The following ABCA12 variants were observed in gnomAD, a reference collection of about 807,000 sequenced individuals.
ABCA12 encodes the protein ATP binding cassette subfamily A member 12, also known as glucosylceramide transporter ABCA12.
Under a neutral mutation model 293.5 loss-of-function variants are expected in ABCA12, and 156 were observed. The ratio of observed to expected loss-of-function variants is 0.53; its 90% CI spans 0.47 to 0.61. The LOEUF (loss-of-function observed/expected upper bound fraction) is 0.61. Among genes scored for constraint, ABCA12 ranks in the 20% least tolerant of loss-of-function variants. The pLI is 0.00. For missense variants in ABCA12, 2,797 were observed against 3,090.2 expected, an observed-to-expected ratio of 0.91 and a Z score of 2.25; for synonymous variants, 1,063 against 1,108.0, an observed-to-expected ratio of 0.96 and a Z score of 0.81.
chr2:214,937,862 A>G (rs1469206644), intron 50 of ABCA12, among the ~76,000 whole-genome samples: 2 of 151,958 alleles, frequency 1.3e-5, no homozygotes, highest in Non-Finnish European at 2.9e-5. Flanking sequence ...AGTTGAAAAG[A>G]AAACATAACA....
At chr2:215,057,432 C>G (rs1235327444) in intron 3 of ABCA12, among the ~76,000 whole-genome samples, 1 of 151,920 alleles carries the variant, frequency 6.6e-6, no homozygotes, top group Non-Finnish European at 1.5e-5. Flanking sequence ...AGATGTAATC[C>G]CTTTAGAATC....
In ABCA12 at chr2:214,992,522, C is replaced by CCT. The variant is rs1348573399; in HGVS notation, c.3295-1492_3295-1491insAG. On this transcript the variant is annotated intron_variant, in intron 23 of 52. Transcript: ENST00000272895. Reference sequence around the variant, plus strand: ...AGCCTATCAACCTAGTATCCCCCCCCTTTTTTTTTTTTTTTTTTTTAGGAA... The same window carrying CCT: ...AGCCTATCAACCTAGTATCCCCCCCCCTTTTTTTTTTTTTTTTTTTTTAGGAA... 2.7e-4 allele frequency among the ~76,000 whole-genome samples: 13 copies of CCT among 47,728 alleles called. 1 individual carries two copies. Among genetic ancestry groups the CCT allele is most frequent in the African/African-American group, 3.8e-4 (4 of 10,634 alleles). 31.3% of individuals were successfully genotyped at this position (47,728 alleles called of 152,430 possible). A position where few individuals can be genotyped will look rare whatever the true frequency, so the allele number is the denominator to read the frequency against.
At chr2:215,037,095 T>A (rs576357428) in intron 7 of ABCA12, 30 bp from the exon 8 acceptor site, 1 of 1,584,420 alleles carries the variant, frequency 6.3e-7, no homozygotes, top group East Asian at 2.2e-5. Context: ...TTAAACCAGA[T>A]TCTGTTTCAA....
chr2:215,004,008 C>A (rs1337051062), intron 20 of ABCA12, among the ~76,000 whole-genome samples: 1 of 152,040 alleles, frequency 6.6e-6, no homozygotes, highest in African/African-American at 2.4e-5. Context: ...CACTGGGCAT[C>A]CAAATAATCA....
chr2:215,118,351 G>A (rs1034952436), intron 1 of ABCA12, among the ~76,000 whole-genome samples: 6 of 152,030 alleles, frequency 3.9e-5, no homozygotes, highest in East Asian at 1.9e-4. Flanking sequence ...GCAGCGAGCC[G>A]AGATCTTGCC....
intron 14 of ABCA12, among the ~76,000 whole-genome samples, chr2:215,017,174 A>G (rs539466550): frequency 3.9e-5 from 6 of 152,226 alleles, no homozygotes; most frequent in Non-Finnish European, 7.3e-5. Flanking sequence ...CTTTTTAGAA[A>G]CTATCCAATA....
intron 23 of ABCA12, among the ~76,000 whole-genome samples, chr2:214,992,389 G>GC (rs1194557404): frequency 7.5e-6 from 1 of 132,818 alleles, no homozygotes; most frequent in Non-Finnish European, 1.6e-5. Context: ...CTTGCAGTGA[G>GC]CCGAGATCAC....
At chr2:214,937,853 G>C (rs553499999) in intron 50 of ABCA12, among the ~76,000 whole-genome samples, 136 of 152,042 alleles carry the variant, frequency 8.9e-4, no homozygotes, top group Middle Eastern at 3.4e-3. Context: ...CAAAAATTGA[G>C]TTGAAAAGAA....
chr2:215,124,409 C>T (rs1702877977), intron 1 of ABCA12, among the ~76,000 whole-genome samples: 1 of 152,168 alleles, frequency 6.6e-6, no homozygotes, highest in Non-Finnish European at 1.5e-5. Flanking sequence ...AGTGGCTGTA[C>T]TAGTTTACAT....
At chr2:215,046,519 G>GTATA (rs59157531) in intron 6 of ABCA12, among the ~76,000 whole-genome samples, 1 of 146,812 alleles carries the variant, frequency 6.8e-6, no homozygotes, top group Non-Finnish European at 1.5e-5. Flanking sequence ...GTGTGTGTGT[G>GTATA]TATATATATA....
intron 2 of ABCA12, among the ~76,000 whole-genome samples, chr2:215,082,238 T>A (rs553207891): frequency 6.6e-6 from 1 of 151,368 alleles, no homozygotes; most frequent in East Asian, 2.0e-4. Flanking sequence ...AGAGACGGGG[T>A]TTCACCATCT....
intron 7 of ABCA12, among the ~76,000 whole-genome samples, chr2:215,040,627 G>A (rs986705312): frequency 3.9e-5 from 6 of 152,066 alleles, no homozygotes; most frequent in African/African-American, 1.4e-4. Context: ...TGGCCAACAT[G>A]GTGAAACCCC....
intron 2 of ABCA12, among the ~76,000 whole-genome samples, chr2:215,106,785 A>T (rs368057878): frequency 1.3e-5 from 2 of 149,844 alleles, no homozygotes; most frequent in Non-Finnish European, 3.0e-5. Context: ...AAAATGTTGG[A>T]CGTTCTTGCA....
At chr2:215,049,553 C>A in intron 6 of ABCA12, 73 bp downstream of exon 6, 1 of 1,440,368 alleles carries the variant, frequency 6.9e-7, no homozygotes, top group East Asian at 2.3e-5. Flanking sequence ...CAGCATTTCC[C>A]AGTCTACACG....
chr2:214,934,063 T>C lies in ABCA12; in HGVS notation c.7680+15A>G. On this transcript the variant is annotated intron_variant, in intron 52 of 52. Transcript: ENST00000272895. ...TATGTGACGTTGTGCACATGGATCG[T>C]GGTATATATCTTACCTCTTCCAGAG... is the stretch of plus-strand genomic sequence containing the variant. 1 of 1,611,666 alleles carries C rather than the reference T, an allele frequency of 6.2e-7. No individual in the cohort carries two copies. Among genetic ancestry groups the C allele is most frequent in the Non-Finnish European group, 8.5e-7 (1 of 1,178,032 alleles).
intron 5 of ABCA12, 94 bp downstream of exon 5, chr2:215,052,393 T>C (rs1701336630): frequency 9.7e-7 from 1 of 1,030,082 alleles, no homozygotes; most frequent in Non-Finnish European, 1.5e-6. Flanking sequence ...ATAGGAAAGG[T>C]GCTCCAAACA....
intron 1 of ABCA12, 44 bp from the exon 2 acceptor site, chr2:215,111,734 C>T (rs1460949538): frequency 1.4e-6 from 2 of 1,470,070 alleles, no homozygotes; most frequent in Non-Finnish European, 1.9e-6. Context: ...TATTGTTGAA[C>T]CAAAGATTTT....
chr2:215,099,774 G>A (rs141386600), intron 2 of ABCA12, among the ~76,000 whole-genome samples: 1 of 151,996 alleles, frequency 6.6e-6, no homozygotes, highest in African/African-American at 2.4e-5. Context: ...GTTTTGAGGG[G>A]CAATTTGTTA....
intron 19 of ABCA12, among the ~76,000 whole-genome samples, chr2:215,005,874 C>A (rs1228104300): frequency 1.3e-5 from 2 of 152,198 alleles, no homozygotes; most frequent in African/African-American, 4.8e-5. Context: ...AATGCTTCCA[C>A]ATATGTGATC....
Sources: gnomAD v4.1 joint callset for allele counts (sites outside exome capture counted in the v4.1 genomes callset) on GRCh38, gnomAD v4.1.1 for gene constraint, MANE v1.5 for transcripts, NCBI Gene and HGNC (gene_info 2026-07-23, HGNC 2026-07-21) for gene names.